TCF4: variants seen among roughly 807,000 people sequenced by gnomAD.
The protein encoded by TCF4 is transcription factor 4.
Under a neutral mutation model 82.1 loss-of-function variants are expected in TCF4, and 3 were observed. The ratio of observed to expected loss-of-function variants is 0.04; its 90% CI spans 0.02 to 0.09. TCF4 has a LOEUF of 0.09. Ranked by LOEUF, TCF4 falls within the 10% of genes least tolerant of loss-of-function variation. The probability of loss-of-function intolerance (pLI) is 1.00; values close to 1 mark genes in which losing one functional copy is unlikely to be tolerated. For synonymous variants in TCF4, 276 were observed against 309.6 expected (o/e 0.89, Z 1.14); for missense variants, 518 against 852.7 (o/e 0.61, Z 4.89).
At chr18:55,406,553 AT>A (rs1475201693) in intron 5 of TCF4, among the ~76,000 whole-genome samples, 1 of 152,198 alleles carries the variant, frequency 6.6e-6, no homozygotes, top group African/African-American at 2.4e-5. Context: ...GTTTCAGATA[AT>A]AAAATTTTCA....
At chr18:55,350,254 G>C (rs1025627233) in intron 8 of TCF4, 105 bp downstream of exon 8, 2 of 1,198,284 alleles carry the variant, frequency 1.7e-6, no homozygotes, top group African/African-American at 3.0e-5. Context: ...CTAGATAAAC[G>C]TGCTGCTCTG....
intron 11 of TCF4, among the ~76,000 whole-genome samples, chr18:55,264,331 A>AT (rs2058664450): frequency 6.6e-6 from 1 of 152,182 alleles, no homozygotes; most frequent in African/African-American, 2.4e-5. Flanking sequence ...ACATGAAGCG[A>AT]TTTTACCTTG....
chr18:55,500,185 A>C (rs867397521), intron 3 of TCF4, among the ~76,000 whole-genome samples: 189 of 152,310 alleles, frequency 1.2e-3, no homozygotes, highest in African/African-American at 4.4e-3. Context: ...TTGTCTCCAA[A>C]AAAAAAAATC....
chr18:55,550,449 T>C (rs1236693653), intron 3 of TCF4: 2 of 152,198 alleles, frequency 1.3e-5, no homozygotes, highest in Non-Finnish European at 2.9e-5. Context: ...TCCCTGTTGC[T>C]GATTGGGATC....
exon 1 of TCF4, chr18:55,635,954 C>A: frequency 6.3e-7 from 1 of 1,584,990 alleles, no homozygotes; most frequent in Non-Finnish European, 8.6e-7. Flanking sequence ...ATACTGTAGA[C>A]ATCAAGAGAA....
intron 2 of TCF4, among the ~76,000 whole-genome samples, chr18:55,617,811 C>CTG (rs74182107): frequency 0.091 from 12,790 of 140,440 alleles, 685 homozygotes; most frequent in African/African-American, 0.14. Flanking sequence ...TTAATTCTAA[C>CTG]TGTGTGTGTG....
intron 2 of TCF4, among the ~76,000 whole-genome samples, chr18:55,627,480 T>C (rs2097727584): frequency 6.6e-6 from 1 of 152,162 alleles, no homozygotes; most frequent in African/African-American, 2.4e-5. Flanking sequence ...AAAGGCTTCA[T>C]AGGCTGGGCG....
At chr18:55,261,355 A>C in intron 12 of TCF4, 111 bp downstream of exon 12, 1 of 1,381,490 alleles carries the variant, frequency 7.2e-7, no homozygotes, top group Non-Finnish European at 1.0e-6. Flanking sequence ...AGCATTTTCC[A>C]AAAATCAAAG....
intron 2 of TCF4, among the ~76,000 whole-genome samples, chr18:55,610,816 C>T (rs994055507): frequency 3.9e-5 from 6 of 152,168 alleles, no homozygotes; most frequent in African/African-American, 1.4e-4. Context: ...GCAATTTCAA[C>T]AGCATTTTAC....
intron 11 of TCF4, among the ~76,000 whole-genome samples, chr18:55,263,270 G>C (rs1054418876): frequency 6.6e-6 from 1 of 152,072 alleles, no homozygotes; most frequent in Non-Finnish European, 1.5e-5. Flanking sequence ...AAATACATGA[G>C]TCATTAGTAC....
At chr18:55,339,162 A>T (rs1268619402) in intron 8 of TCF4, among the ~76,000 whole-genome samples, 1 of 152,204 alleles carries the variant, frequency 6.6e-6, no homozygotes, top group African/African-American at 2.4e-5. Flanking sequence ...TTAAACAGAT[A>T]TGAAAGACAT....
chr18:55,571,668 A>G (rs982784994), intron 3 of TCF4, among the ~76,000 whole-genome samples: 1 of 152,062 alleles, frequency 6.6e-6, no homozygotes, highest in Non-Finnish European at 1.5e-5. Context: ...AACACTTAAC[A>G]AAAGTCTTGC....
At chr18:55,329,003 G>C (rs373310849) in intron 8 of TCF4, among the ~76,000 whole-genome samples, 2 of 152,138 alleles carry the variant, frequency 1.3e-5, no homozygotes, top group African/African-American at 4.8e-5. Flanking sequence ...TTGCTAGGCA[G>C]AGAACAAACA....
At chr18:55,504,168 G>A (rs569690096) in intron 3 of TCF4, among the ~76,000 whole-genome samples, 1 of 152,296 alleles carries the variant, frequency 6.6e-6, no homozygotes, top group East Asian at 1.9e-4. Flanking sequence ...CATCTATCAG[G>A]TAGCAAGGAC....
intron 3 of TCF4, among the ~76,000 whole-genome samples, chr18:55,523,019 C>T (rs2096945224): frequency 6.6e-6 from 1 of 151,844 alleles, no homozygotes; most frequent in African/African-American, 2.4e-5. Flanking sequence ...CTTTACTGGC[C>T]ACACTTTAAT....
chr18:55,313,027 C>T (rs923182440), intron 8 of TCF4, among the ~76,000 whole-genome samples: 1 of 152,164 alleles, frequency 6.6e-6, no homozygotes, highest in African/African-American at 2.4e-5. Flanking sequence ...TTATCTTTTA[C>T]TCCCTCTGAA....
chr18:55,281,938 A>G (rs2062695105), intron 8 of TCF4, among the ~76,000 whole-genome samples: 1 of 151,984 alleles, frequency 6.6e-6, no homozygotes. Flanking sequence ...TATAGTATGT[A>G]ATTTCTATTT....
chr18:55,234,589 G>A lies in TCF4; in HGVS notation c.1445C>T (p.Ala482Val). 6.2e-7 allele frequency: 1 copy of A among 1,614,136 alleles called. No individual in the cohort carries two copies. The highest frequency in any genetic ancestry group is 8.5e-7 in the Non-Finnish European group (1 of 1,180,016). Residue 482 changes from alanine (A) to valine (V), a missense_variant, in exon 16 of 20, where the codon GCG (alanine) becomes GTG (valine). Physicochemically the swap from Ala to Val is moderately conservative, Grantham distance 64. Coordinates refer to ENST00000354452, the MANE Select transcript of TCF4 (RefSeq NM_001083962.2). Reference protein sequence around the residue: ...VPVPQLPVQSATSPDLNPPQD... With the variant: ...VPVPQLPVQSVTSPDLNPPQD... ...GGGTGGGTTCAGGTCAGGGGAAGTC[G>A]CAGACTGGACAGGAAGCTGTGGAAC...
chr18:55,600,497 A>G (rs372330205), intron 2 of TCF4, among the ~76,000 whole-genome samples: 1 of 152,220 alleles, frequency 6.6e-6, no homozygotes, highest in South Asian at 2.1e-4. Flanking sequence ...TGTTCTACAC[A>G]GGGACAGTGG....
Sources: allele counts gnomAD v4.1 joint callset (sites outside exome capture counted in the v4.1 genomes callset), GRCh38; gene constraint gnomAD v4.1.1; transcripts MANE v1.5; gene names NCBI Gene and HGNC (gene_info 2026-07-23, HGNC 2026-07-21).